Variants in TTC23L observed in about 807,000 individuals in gnomAD.
TTC23L encodes the protein tetratricopeptide repeat domain 23 like.
Under a neutral mutation model 48.1 loss-of-function variants are expected in TTC23L, and 42 were observed. That is an observed-to-expected ratio of 0.87 (90% CI 0.68 to 1.13). TTC23L has a LOEUF of 1.13. Among genes scored for constraint, TTC23L ranks in the 50% most tolerant of loss-of-function variants. The pLI, the probability that TTC23L is intolerant of heterozygous loss-of-function variation, is 0.00. For missense variants in TTC23L, 391 were observed against 421.0 expected, an observed-to-expected ratio of 0.93 and a Z score of 0.62; for synonymous variants, 159 against 157.2, an observed-to-expected ratio of 1.01 and a Z score of -0.09.
At chr5:34,913,906 C>A in the TTC23L span, 1 of 452,358 alleles carries the variant, frequency 2.2e-6, no homozygotes, top group Non-Finnish European at 4.4e-6. Context: ...TTTATTGATA[C>A]GGGGGTCTCA....
At chr5:34,881,944 C>T (rs946392298) in intron 9 of TTC23L, among the ~76,000 whole-genome samples, 5 of 151,516 alleles carry the variant, frequency 3.3e-5, no homozygotes, top group African/African-American at 1.2e-4. Flanking sequence ...TTTGTAGAAA[C>T]GGGGTTTAAT....
intron 4 of TTC23L, among the ~76,000 whole-genome samples, chr5:34,856,374 A>G (rs1760132824): frequency 6.6e-6 from 1 of 151,948 alleles, no homozygotes; most frequent in Non-Finnish European, 1.5e-5. Flanking sequence ...TAATCCAAAA[A>G]CCTCCCCCCA....
intron 2 of TTC23L, among the ~76,000 whole-genome samples, chr5:34,845,049 C>T (rs987179307): frequency 1.3e-5 from 2 of 152,178 alleles, no homozygotes; most frequent in African/African-American, 4.8e-5. Context: ...TCCTCCAGTT[C>T]AACACCCTCA....
intron 9 of TTC23L, among the ~76,000 whole-genome samples, chr5:34,887,915 G>T (rs1393389842): frequency 6.6e-6 from 1 of 152,180 alleles, no homozygotes; most frequent in African/African-American, 2.4e-5. Flanking sequence ...TGTAAGGAGA[G>T]GCTCATTTAG....
Position 34,880,130 on chromosome 5 carries a change from C to G in TTC23L, c.950-51C>G, listed in dbSNP as rs1297503218. 5 of 1,566,846 alleles carry G rather than the reference C, an allele frequency of 3.2e-6. No homozygotes were observed. The East Asian group carries it at 1.1e-4, about 35-fold the overall frequency. On this transcript the variant is annotated intron_variant, in intron 8 of 10. Coordinates refer to ENST00000505624, the Ensembl canonical transcript of TTC23L. ...CAATTGAGCCAAAGCTGATATTAGA[C>G]ATTTGTAAAGGTTAGCAGCTTGCCT...
In TTC23L at chr5:34,845,336, G is replaced by A. The variant is rs116647095; in HGVS notation, c.69-151G>A. 2.5e-3 allele frequency: 1,796 copies of A among 732,984 alleles called. 22 individuals carry two copies. In the African/African-American group the frequency reaches 0.029, roughly 12 times the overall value. The allele number at this position is 732,984 out of a possible 1,614,324, so 45.4% of individuals were successfully genotyped here. A position where few individuals can be genotyped will look rare whatever the true frequency, so the allele number is the denominator to read the frequency against. On this transcript the variant is annotated intron_variant, in intron 2 of 10. Coordinates refer to ENST00000505624, the Ensembl canonical transcript of TTC23L. Reference sequence around the variant, plus strand: ...TGTCTTAATGCTAGGCTTTGAGGGCGACGTGAGTTTACTGCCTAGCTTTAT... The same window carrying A: ...TGTCTTAATGCTAGGCTTTGAGGGCAACGTGAGTTTACTGCCTAGCTTTAT...
chr5:34,868,870 G>A, intron 7 of TTC23L, 35 bp from the exon 8 acceptor site: 1 of 1,547,540 alleles, frequency 6.5e-7, no homozygotes, highest in Non-Finnish European at 8.8e-7. Context: ...CACTGTCATT[G>A]GGTGCTTACC....
intron 9 of TTC23L, among the ~76,000 whole-genome samples, chr5:34,892,987 T>G (rs147190070): frequency 1.2e-3 from 180 of 152,246 alleles, no homozygotes; most frequent in African/African-American, 4.2e-3. Flanking sequence ...TTTAAAACAT[T>G]AACTCTGACA....
chr5:34,925,409 A>G, the TTC23L span: 3 of 1,614,036 alleles, frequency 1.9e-6, no homozygotes, highest in African/African-American at 1.3e-5. Flanking sequence ...ACCAGAGCCA[A>G]AAGTTGATTT....
chr5:34,863,008 G>T lies in TTC23L; in HGVS notation c.490G>T (p.Val164Phe), dbSNP rs1760793652. The change falls in exon 5 of 11, where the codon GTC (valine) becomes TTC (phenylalanine). Residue 164 changes from valine to phenylalanine, a missense_variant. Val to Phe is a conservative substitution (Grantham distance 50). Coordinates refer to ENST00000505624, the Ensembl canonical transcript of TTC23L. The surrounding 1 kb of genome is among the most constrained non-coding windows in gnomAD (Gnocchi z 4.1). ...GAAAGAGGAAATCCTGGAAGCTCTG[G>T]TCAAGCTGTACTACACTCTGGGCGT... The T allele has an allele frequency of 6.2e-7, 1 of 1,613,866 alleles. No homozygotes were observed. The highest frequency in any genetic ancestry group is 8.5e-7 in the Non-Finnish European group (1 of 1,179,890).
chr5:34,922,125 T>C, the TTC23L span: 8 of 675,500 alleles, frequency 1.2e-5, no homozygotes, highest in Middle Eastern at 2.8e-4. Flanking sequence ...TTAGGTATTT[T>C]TGAGATAATC....
chr5:34,909,131 TCTA>T, the TTC23L span: 1 of 906,752 alleles, frequency 1.1e-6, no homozygotes, highest in Non-Finnish European at 1.7e-6. Flanking sequence ...AGTCCAGCAC[TCTA>T]CTATTCATTT....
At chr5:34,857,263 G>A (rs1240189776) in intron 4 of TTC23L, among the ~76,000 whole-genome samples, 2 of 152,124 alleles carry the variant, frequency 1.3e-5, no homozygotes, top group Admixed American at 6.5e-5. Context: ...CAAGTGTTCA[G>A]GAAGGAAAAT....
intron 8 of TTC23L, among the ~76,000 whole-genome samples, chr5:34,871,355 A>G (rs1254556956): frequency 6.6e-6 from 1 of 152,214 alleles, no homozygotes; most frequent in African/African-American, 2.4e-5. Flanking sequence ...AAATCTATCA[A>G]AATATGTACA....
chr5:34,911,730 T>C, the TTC23L span: 1 of 1,614,072 alleles, frequency 6.2e-7, no homozygotes, highest in Non-Finnish European at 8.5e-7. Flanking sequence ...TTTTGCAGAC[T>C]GTCACCACTC....
chr5:34,844,526 C>T (rs1378636970), intron 2 of TTC23L, among the ~76,000 whole-genome samples: 1 of 147,372 alleles, frequency 6.8e-6, no homozygotes, highest in Non-Finnish European at 1.5e-5. Context: ...AAACATTGAA[C>T]ATTCACTCTT....
chr5:34,856,758 C>T (rs546673059), intron 4 of TTC23L, among the ~76,000 whole-genome samples: 1 of 152,296 alleles, frequency 6.6e-6, no homozygotes, highest in African/African-American at 2.4e-5. Flanking sequence ...TGGTGCAGTG[C>T]CTTGGGAGCC....
At chr5:34,922,240 T>C in the TTC23L span, 3 of 1,586,810 alleles carry the variant, frequency 1.9e-6, no homozygotes, top group Non-Finnish European at 2.6e-6. Context: ...AGAACTGTAA[T>C]AAATGCATCT....
chr5:34,845,479 A>G lies in TTC23L; in HGVS notation c.69-8A>G. On this transcript the variant is annotated splice_region_variant and splice_polypyrimidine_tract_variant and intron_variant, in intron 2 of 10. Transcript: ENST00000505624. The stretch of plus-strand genomic sequence containing the variant: ...AATCCTGAATCCTTGCCTCTCTCAT[A>G]CCTACAGGTCACAGCAAACCGAGAT... 1 of 1,609,842 alleles carries G rather than the reference A, an allele frequency of 6.2e-7. No individual in the cohort carries two copies. Among genetic ancestry groups the G allele is most frequent in the Non-Finnish European group, 8.5e-7 (1 of 1,178,650 alleles).
Sources: gnomAD v4.1 joint callset for allele counts (sites outside exome capture counted in the v4.1 genomes callset) on GRCh38, gnomAD v4.1.1 for gene constraint, Gnocchi (gnomAD v3.1) non-coding constraint, MANE v1.5 for transcripts, NCBI Gene and HGNC (gene_info 2026-07-23, HGNC 2026-07-21) for gene names.